Variants in PRKN observed in about 807,000 individuals in gnomAD.
PRKN encodes E3 ubiquitin-protein ligase parkin.
A neutral mutation model predicts 59.5 loss-of-function variants in PRKN; 56 were observed. The ratio of observed to expected loss-of-function variants is 0.94; its 90% CI spans 0.76 to 1.18. PRKN has a LOEUF of 1.18. PRKN is among the 50% of genes most tolerant of loss of function. The pLI is 0.00. For missense variants in PRKN, 657 were observed against 596.4 expected (o/e 1.10, Z -1.06); for synonymous variants, 250 against 222.1 (o/e 1.13, Z -1.12).
chr6:162,569,316 AG>A (rs1018353089), intron 1 of PRKN: 24 of 617,128 alleles, frequency 3.9e-5, no homozygotes, highest in Admixed American at 5.8e-5. Flanking sequence ...CTGGCCATTA[AG>A]GATGCCAACA....
chr6:162,188,982 T>C (rs1260383661), intron 4 of PRKN, among the ~76,000 whole-genome samples: 2 of 152,066 alleles, frequency 1.3e-5, no homozygotes, highest in Non-Finnish European at 1.5e-5. Context: ...GGAATTGAGA[T>C]TAGACGACTG....
intron 7 of PRKN, among the ~76,000 whole-genome samples, chr6:161,785,113 A>T (rs1015441020): frequency 3.3e-5 from 5 of 152,238 alleles, no homozygotes; most frequent in Non-Finnish European, 7.3e-5. Flanking sequence ...ACAGGGGGTC[A>T]CAGGCAGTGA....
chr6:161,630,685 G>A (rs912426113), intron 7 of PRKN, among the ~76,000 whole-genome samples: 17 of 152,002 alleles, frequency 1.1e-4, no homozygotes, highest in Admixed American at 3.9e-4. Context: ...AGGCATCCAC[G>A]GTTTTCTCTT....
At position 161,402,903 on chromosome 6, in the gene PRKN, A is replaced by G. The variant is rs1787111281; in HGVS notation, c.1084-16026T>C. 6.6e-6 allele frequency among the ~76,000 whole-genome samples: 1 copy of G among 152,168 alleles called. No homozygotes were observed. The highest frequency in any genetic ancestry group is 1.5e-5 in the Non-Finnish European group (1 of 68,042). On this transcript the variant is annotated intron_variant, in intron 9 of 11. Coordinates refer to ENST00000366898, the MANE Select transcript of PRKN (RefSeq NM_004562.3). This position sits in a 1 kb window ranked among gnomAD's most constrained non-coding sequence, Gnocchi z 4.5. Reference sequence around the variant, plus strand: ...CTCCAGGCATGGTGTCCACGTACTCATCTTCCCCGGCTGACACAATTCCCT... The same window carrying G: ...CTCCAGGCATGGTGTCCACGTACTCGTCTTCCCCGGCTGACACAATTCCCT...
chr6:162,122,496 G>C (rs1162358772), intron 4 of PRKN, among the ~76,000 whole-genome samples: 2 of 152,116 alleles, frequency 1.3e-5, no homozygotes, highest in African/African-American at 4.8e-5. Context: ...CAGGTTTATA[G>C]AATATCCTAG....
intron 1 of PRKN, among the ~76,000 whole-genome samples, chr6:162,460,307 T>C (rs571193797): frequency 3.3e-5 from 5 of 152,260 alleles, no homozygotes; most frequent in South Asian, 4.1e-4. Context: ...ATGTCTAGAG[T>C]TGGCAAATCT....
chr6:162,726,694 C>T (rs1409505600), intron 1 of PRKN, among the ~76,000 whole-genome samples: 4 of 152,206 alleles, frequency 2.6e-5, no homozygotes, highest in Non-Finnish European at 5.9e-5. Flanking sequence ...CAGACCACAT[C>T]TGACTTCGAA....
intron 6 of PRKN, among the ~76,000 whole-genome samples, chr6:161,805,644 T>C (rs558596813): frequency 6.6e-6 from 1 of 152,230 alleles, no homozygotes; most frequent in African/African-American, 2.4e-5. Flanking sequence ...TCTGTGTGCA[T>C]TGGTTTGCAC....
rs75223046 is a variant in PRKN, at chr6:161,549,604, T to C, written c.934-601A>G. 0.025 allele frequency among the ~76,000 whole-genome samples: 3,736 copies of C among 152,290 alleles called. 154 individuals are homozygous for C. Among genetic ancestry groups the C allele is most frequent in the African/African-American group, 0.084 (3,495 of 41,534 alleles). Reference sequence around the variant, plus strand: ...AAAGCATGATTTCTTGTGTCCCTGATGTCATTTCTTCCTGGTACCGTTTTG... The same window carrying C: ...AAAGCATGATTTCTTGTGTCCCTGACGTCATTTCTTCCTGGTACCGTTTTG... On this transcript the variant is annotated intron_variant, in intron 8 of 11. Coordinates refer to ENST00000366898, the MANE Select transcript of PRKN (RefSeq NM_004562.3). The surrounding 1 kb of genome is among the most constrained non-coding windows in gnomAD (Gnocchi z 6.0).
At chr6:162,296,856 A>G (rs1781698087) in intron 2 of PRKN, among the ~76,000 whole-genome samples, 1 of 152,174 alleles carries the variant, frequency 6.6e-6, no homozygotes, top group South Asian at 2.1e-4. Context: ...TTAACTAGAA[A>G]AAAGCATCGT....
In PRKN at chr6:161,837,675, G is replaced by A. The variant is rs555355292; in HGVS notation, c.735-51767C>T. On this transcript the variant is annotated intron_variant, in intron 6 of 11. Coordinates refer to ENST00000366898, the MANE Select transcript of PRKN (RefSeq NM_004562.3). ...AATGTTTATATGTTCCAGGGTAATA[G>A]ATAATGAATAATAAGGGACTGAGGG... Among the ~76,000 whole-genome samples the A allele has an allele frequency of 5.9e-5, 9 of 151,940 alleles. No homozygotes were observed. The South Asian group carries it at 1.9e-3, about 32-fold the overall frequency.
At chr6:162,515,631 A>T (rs540565213) in intron 1 of PRKN, among the ~76,000 whole-genome samples, 118 of 152,338 alleles carry the variant, frequency 7.7e-4, no homozygotes, top group African/African-American at 2.8e-3. Context: ...ACAGTCTTTG[A>T]AATGAGTTGG....
chr6:162,708,992 C>G (rs1426484595), intron 1 of PRKN, among the ~76,000 whole-genome samples: 1 of 152,166 alleles, frequency 6.6e-6, no homozygotes, highest in African/African-American at 2.4e-5. Flanking sequence ...GTATTAGATT[C>G]TCACCGGAGC....
intron 4 of PRKN, among the ~76,000 whole-genome samples, chr6:162,054,625 A>T (rs570684949): frequency 1.9e-4 from 29 of 152,210 alleles, no homozygotes; most frequent in Non-Finnish European, 3.8e-4. Context: ...ACAAAAGCCA[A>T]CTTGGTCTGC....
chr6:162,259,057 T>C (rs891570388), intron 3 of PRKN, among the ~76,000 whole-genome samples: 5 of 152,206 alleles, frequency 3.3e-5, no homozygotes, highest in African/African-American at 9.6e-5. Flanking sequence ...GAAGTTAAAA[T>C]TGAAGACTCT....
At chr6:161,421,613 A>C (rs1788111021) in intron 9 of PRKN, among the ~76,000 whole-genome samples, 1 of 152,284 alleles carries the variant, frequency 6.6e-6, no homozygotes, top group Non-Finnish European at 1.5e-5. Flanking sequence ...GAGTTTGTTC[A>C]GATAGAGACG....
intron 6 of PRKN, among the ~76,000 whole-genome samples, chr6:161,883,579 T>G (rs1795023753): frequency 6.6e-6 from 1 of 152,140 alleles, no homozygotes; most frequent in Non-Finnish European, 1.5e-5. Context: ...TATCTACCTG[T>G]GAGTAGTAAC....
chr6:162,481,310 T>C (rs1792300635), intron 1 of PRKN, among the ~76,000 whole-genome samples: 1 of 152,188 alleles, frequency 6.6e-6, no homozygotes, highest in Non-Finnish European at 1.5e-5. Flanking sequence ...AATCCTCATG[T>C]CCATGGAGAG....
At chr6:161,807,560 T>C (rs1194498275) in intron 6 of PRKN, among the ~76,000 whole-genome samples, 4 of 152,220 alleles carry the variant, frequency 2.6e-5, no homozygotes, top group African/African-American at 7.2e-5. Flanking sequence ...ACGCTTCGTC[T>C]GAAACCTGGG....
Sources: allele counts gnomAD v4.1 joint callset (sites outside exome capture counted in the v4.1 genomes callset), GRCh38; gene constraint gnomAD v4.1.1; non-coding constraint Gnocchi (gnomAD v3.1); transcripts MANE v1.5; gene names NCBI Gene and HGNC (gene_info 2026-07-23, HGNC 2026-07-21).